RALYL: variants seen among roughly 807,000 people sequenced by gnomAD.
RALYL encodes the protein RNA-binding Raly-like protein.
Under a neutral mutation model 35.1 loss-of-function variants are expected in RALYL, and 29 were observed. That is an observed-to-expected ratio of 0.83 (90% confidence interval 0.61 to 1.13). The LOEUF (loss-of-function observed/expected upper bound fraction) is 1.13, where lower values mean the gene tolerates loss of function less well. Ranked by LOEUF, RALYL falls within the 50% of genes most tolerant of loss-of-function variation. The probability of loss-of-function intolerance (pLI) is 0.00; values close to 1 mark genes in which losing one functional copy is unlikely to be tolerated. For synonymous variants in RALYL, 120 were observed against 127.6 expected (o/e 0.94, Z 0.40); for missense variants, 359 against 360.4 (o/e 1.00, Z 0.03).
At chr8:84,418,254 T>C (rs1025960664) in intron 1 of RALYL, among the ~76,000 whole-genome samples, 3 of 152,168 alleles carry the variant, frequency 2.0e-5, no homozygotes, top group Middle Eastern at 3.2e-3. Context: ...GGGCACAGTA[T>C]TTAACTAGTC....
At chr8:84,696,548 T>C (rs1346574936) in intron 2 of RALYL, among the ~76,000 whole-genome samples, 9 of 151,988 alleles carry the variant, frequency 5.9e-5, no homozygotes, top group Non-Finnish European at 1.0e-4. Flanking sequence ...TAATGATTCA[T>C]TTAAGTATTT....
intron 2 of RALYL, among the ~76,000 whole-genome samples, chr8:84,545,584 T>G (rs1039852710): frequency 8.5e-5 from 13 of 152,218 alleles, no homozygotes; most frequent in Non-Finnish European, 1.6e-4. Flanking sequence ...TCTACTTTTG[T>G]GTCTTTTGGA....
intron 4 of RALYL, among the ~76,000 whole-genome samples, chr8:84,807,990 C>T (rs1825060571): frequency 6.6e-6 from 1 of 152,068 alleles, no homozygotes; most frequent in South Asian, 2.1e-4. Flanking sequence ...TTCTTTTTGC[C>T]ATGCAAAAGC....
At chr8:84,690,056 A>T (rs1164303238) in intron 2 of RALYL, among the ~76,000 whole-genome samples, 6 of 152,148 alleles carry the variant, frequency 3.9e-5, no homozygotes, top group African/African-American at 7.2e-5. Context: ...TGAAATCAGT[A>T]TGTGGAAATA....
intron 1 of RALYL, among the ~76,000 whole-genome samples, chr8:84,468,436 C>G (rs369748383): frequency 2.3e-4 from 34 of 150,974 alleles, no homozygotes; most frequent in South Asian, 4.4e-4. Context: ...ATTCTGGGTT[C>G]AAAATTCTTT....
At chr8:84,758,555 T>C (rs1354228809) in intron 2 of RALYL, among the ~76,000 whole-genome samples, 1 of 152,140 alleles carries the variant, frequency 6.6e-6, no homozygotes, top group African/African-American at 2.4e-5. Context: ...TGGAGGAGGA[T>C]TATTCTAAGT....
At chr8:84,906,688 T>C (rs906423170) in intron 8 of RALYL, among the ~76,000 whole-genome samples, 3 of 145,072 alleles carry the variant, frequency 2.1e-5, no homozygotes, top group Admixed American at 1.3e-4. Flanking sequence ...AGTTAATTGA[T>C]TAAAAAAAAA....
intron 2 of RALYL, among the ~76,000 whole-genome samples, chr8:84,761,316 A>AATTG (rs1586031759): frequency 1.3e-5 from 2 of 152,164 alleles, no homozygotes; most frequent in East Asian, 3.9e-4. Flanking sequence ...AGAAAAATAT[A>AATTG]ACTGACCAGG....
intron 2 of RALYL, among the ~76,000 whole-genome samples, chr8:84,763,198 C>T (rs767784812): frequency 2.6e-5 from 4 of 151,810 alleles, no homozygotes; most frequent in Non-Finnish European, 4.4e-5. Flanking sequence ...TCCATATATA[C>T]GCGTATGAAA....
chr8:84,398,410 C>T (rs73302511), intron 1 of RALYL, among the ~76,000 whole-genome samples: 5,257 of 151,708 alleles, frequency 0.035, 287 homozygotes, highest in African/African-American at 0.12. Context: ...TTGAATAAAG[C>T]GAAATTGTAA....
At chr8:84,756,178 A>G (rs938820406) in intron 2 of RALYL, among the ~76,000 whole-genome samples, 7 of 151,926 alleles carry the variant, frequency 4.6e-5, no homozygotes, top group Admixed American at 3.3e-4. Flanking sequence ...AAAAAAACCA[A>G]TAAGATTATT....
intron 1 of RALYL, among the ~76,000 whole-genome samples, chr8:84,414,319 C>T (rs73304379): frequency 0.029 from 4,466 of 152,210 alleles, 218 homozygotes; most frequent in African/African-American, 0.1. Flanking sequence ...ATTTTATCCA[C>T]ATTTCATTAA....
chr8:84,442,508 C>G (rs1015934371), intron 1 of RALYL, among the ~76,000 whole-genome samples: 2 of 152,002 alleles, frequency 1.3e-5, no homozygotes, highest in African/African-American at 4.8e-5. Flanking sequence ...GACACAAAAC[C>G]AAATAAGACC....
chr8:84,394,445 T>C (rs1861355795), intron 1 of RALYL, among the ~76,000 whole-genome samples: 1 of 152,114 alleles, frequency 6.6e-6, no homozygotes. Context: ...TCAAAATTGT[T>C]ATGAAGCTGA....
chr8:84,664,263 A>ATTTTTTTT (rs60423756), intron 2 of RALYL, among the ~76,000 whole-genome samples: 2 of 58,046 alleles, frequency 3.4e-5, no homozygotes, highest in Admixed American at 2.8e-4. Flanking sequence ...ATGCCTCTAG[A>ATTTTTTTT]TTTTTTTTTT....
rs370293106 is a variant in RALYL at position 84,529,564 on chromosome 8, C to A, written c.243C>A (p.Ala81=). 6.2e-7 allele frequency: 1 copy of A among 1,606,974 alleles called. No homozygotes were observed. Among genetic ancestry groups the A allele is most frequent in the Non-Finnish European group, 8.5e-7 (1 of 1,174,022 alleles). ...CTGGAGAAAATGCCAGAGTCATCGC[C>A]GGCCAACCACTTGGTAAGTCATGCT... ...AVAGENARVI[A]GQPLDINMAG... Residue 81 remains alanine, a synonymous_variant, in exon 2 of 9, where the codon GCC becomes GCA. Transcript: ENST00000521268.
At chr8:84,567,477 C>G (rs1299838113) in intron 2 of RALYL, among the ~76,000 whole-genome samples, 1 of 151,616 alleles carries the variant, frequency 6.6e-6, no homozygotes, top group East Asian at 1.9e-4. Flanking sequence ...ATTTTTTGTT[C>G]TGAGATATTT....
intron 2 of RALYL, among the ~76,000 whole-genome samples, chr8:84,754,489 G>A (rs1473391318): frequency 1.3e-5 from 2 of 152,050 alleles, no homozygotes; most frequent in East Asian, 3.9e-4. Context: ...ACTTCTCCAG[G>A]TAGCATCAGA....
chr8:84,482,939 C>T (rs1267276089), intron 1 of RALYL, among the ~76,000 whole-genome samples: 1 of 151,964 alleles, frequency 6.6e-6, no homozygotes, highest in African/African-American at 2.4e-5. Flanking sequence ...TGATTTTGTG[C>T]CTAGATTGTT....
Sources: gnomAD v4.1 joint callset for allele counts (sites outside exome capture counted in the v4.1 genomes callset) on GRCh38, gnomAD v4.1.1 for gene constraint, MANE v1.5 for transcripts, NCBI Gene and HGNC (gene_info 2026-07-23, HGNC 2026-07-21) for gene names.